The following CD276 variants were observed in gnomAD, a reference collection of about 807,000 sequenced individuals.
The protein encoded by CD276 is CD276 antigen.
A neutral mutation model predicts 50.0 loss-of-function variants in CD276; 34 were observed. The ratio of observed to expected loss-of-function variants is 0.68; its 90% CI spans 0.52 to 0.91. The LOEUF (loss-of-function observed/expected upper bound fraction) is 0.91. CD276 is among the 40% of genes least tolerant of loss of function. The pLI is 0.00. For synonymous variants in CD276, 275 were observed against 313.0 expected (o/e 0.88, Z 1.28); for missense variants, 634 against 717.5 (o/e 0.88, Z 1.33).
At chr15:73,692,913 A>G (rs1339761595) in intron 1 of CD276, among the ~76,000 whole-genome samples, 1 of 152,266 alleles carries the variant, frequency 6.6e-6, no homozygotes, top group Non-Finnish European at 1.5e-5. Flanking sequence ...TGAGCACTTG[A>G]AGAAGAGCCC....
At chr15:73,698,806 C>T (rs1055397677) in intron 1 of CD276, among the ~76,000 whole-genome samples, 5 of 152,216 alleles carry the variant, frequency 3.3e-5, no homozygotes, top group Non-Finnish European at 7.3e-5. Context: ...AAGTGATTCG[C>T]CTGCCTCAGC....
In CD276 at chr15:73,713,136, C is replaced by T; in HGVS notation, c.*180C>T. The stretch of plus-strand genomic sequence containing the variant: ...TTATTTCTCCAATGGACATGATTCC[C>T]AAGTCATCCTGCTGCCTTTTTTCTT... On this transcript the variant is annotated 3_prime_UTR_variant, in exon 10 of 10. Coordinates refer to ENST00000318443, the MANE Select transcript of CD276 (RefSeq NM_001024736.2). 5.3e-6 allele frequency: 3 copies of T among 567,712 alleles called. No individual in the cohort carries two copies. The highest frequency in any genetic ancestry group is 6.0e-5 in the East Asian group (2 of 33,298). The allele number at this position is 567,712 out of a possible 1,614,324, so 35.2% of individuals were successfully genotyped here.
At chr15:73,698,184 G>C (rs1223446215) in intron 1 of CD276, among the ~76,000 whole-genome samples, 2 of 152,118 alleles carry the variant, frequency 1.3e-5, no homozygotes, top group Admixed American at 1.3e-4. Flanking sequence ...CAGCCTTGAG[G>C]TCATCCCCAA....
Position 73,699,646 on chromosome 15 carries a change from C to T in CD276, c.7C>T (p.Arg3Cys), listed in dbSNP as rs770116040. ...TCAGCCGCCTCACAGGAAGATGCTG[C>T]GTCGGCGGGGCAGCCCTGGCATGGG... Reference protein sequence around the residue: MLRRRGSPGMGVH... With the variant: MLCRRGSPGMGVH... The change falls in exon 2 of 10, where the codon CGT becomes TGT. Residue 3 changes from arginine (R) to cysteine (C), a missense_variant. Coordinates refer to ENST00000318443, the MANE Select transcript of CD276 (RefSeq NM_001024736.2). 2.5e-6 allele frequency: 4 copies of T among 1,613,712 alleles called. No individual in the cohort carries two copies. The highest frequency in any genetic ancestry group is 3.4e-6 in the Non-Finnish European group (4 of 1,179,892).
chr15:73,695,142 C>T (rs1900129590), intron 1 of CD276, among the ~76,000 whole-genome samples: 1 of 152,214 alleles, frequency 6.6e-6, no homozygotes, highest in African/African-American at 2.4e-5. Flanking sequence ...TCCCTGAAAG[C>T]TTCAAGTACT....
At chr15:73,709,108 T>G (rs772471687) in intron 7 of CD276, among the ~76,000 whole-genome samples, 1 of 152,074 alleles carries the variant, frequency 6.6e-6, no homozygotes, top group Non-Finnish European at 1.5e-5. Flanking sequence ...AGGTGAGTAC[T>G]TGTGAGGTAG....
At chr15:73,701,595 T>C (rs1308806450) in intron 2 of CD276, among the ~76,000 whole-genome samples, 2 of 152,166 alleles carry the variant, frequency 1.3e-5, no homozygotes, top group Non-Finnish European at 2.9e-5. Context: ...CTCTACGGGG[T>C]TCTCTGTATG....
At position 73,703,676 on chromosome 15, in the gene CD276, G is replaced by T. The variant is rs1900509591; in HGVS notation, c.751G>T (p.Val251Phe). 1 of 1,611,354 alleles carries T rather than the reference G, an allele frequency of 6.2e-7. No homozygotes were observed. The highest frequency in any genetic ancestry group is 1.1e-5 in the South Asian group (1 of 90,982). ...GCCCCCAGGAGCCGTGGAGGTCCAG[G>T]TCCCTGAGGACCCGGTGGTGGCCCT... ...RSPTGAVEVQ[V>F]PEDPVVALVG... is the part of the protein sequence containing the mutation. Residue 251 changes from valine to phenylalanine, a missense_variant, in exon 5 of 10, where the codon GTC (valine) becomes TTC (phenylalanine). Transcript: ENST00000318443.
Position 73,698,135 on chromosome 15 carries a change from C to A in CD276, c.-54-1451C>A, listed in dbSNP as rs554111565. On this transcript the variant is annotated intron_variant, in intron 1 of 9. Transcript: ENST00000318443. Reference sequence around the variant, plus strand: ...CTTCTCATCCCCAGCTCAGGCCTGACCTGCAGCCACAGACTTGCCTCTTAC... The same window carrying A: ...CTTCTCATCCCCAGCTCAGGCCTGAACTGCAGCCACAGACTTGCCTCTTAC... Among the ~76,000 whole-genome samples the A allele has an allele frequency of 3.3e-5, 5 of 152,246 alleles. No individual in the cohort carries two copies. The South Asian group carries it at 1.0e-3, about 32-fold the overall frequency.
intron 2 of CD276, 27 bp from the exon 3 acceptor site, chr15:73,702,228 T>G: frequency 6.4e-7 from 1 of 1,554,376 alleles, no homozygotes; most frequent in Non-Finnish European, 8.7e-7. Context: ...GTCCCCCTTA[T>G]ATGTTCTCCA....
chr15:73,709,513 G>T (rs1476103151), intron 7 of CD276, 135 bp from the exon 8 acceptor site: 2 of 816,548 alleles, frequency 2.4e-6, no homozygotes, highest in East Asian at 5.0e-5. Flanking sequence ...TCTAACCCGT[G>T]TCTAGCATTT....
At chr15:73,703,250 T>C (rs1169865997) in intron 4 of CD276, among the ~76,000 whole-genome samples, 164 bp downstream of exon 4, 1 of 151,790 alleles carries the variant, frequency 6.6e-6, no homozygotes, top group African/African-American at 2.4e-5. Flanking sequence ...ACTGGAGGGG[T>C]TGGGGGCGGA....
rs1382109222 is a variant in CD276, at chr15:73,713,756, G to A, written c.*800G>A. On this transcript the variant is annotated 3_prime_UTR_variant, in exon 10 of 10. Transcript: ENST00000318443. ...TGTGCTGGTCACACTGGTTCTCCAG[G>A]GGTCTGTGATGGGGCCCCTGGGGGT... The A allele has an allele frequency of 2.3e-6, 1 of 435,170 alleles. No homozygotes were observed. The highest frequency in any genetic ancestry group is 4.5e-6 in the Non-Finnish European group (1 of 219,794). 27.0% of individuals were successfully genotyped at this position (435,170 alleles called of 1,614,324 possible). A position where few individuals can be genotyped will look rare whatever the true frequency, so the allele number is the denominator to read the frequency against.
chr15:73,712,967 C>A lies in CD276; in HGVS notation c.*11C>A. ...CAAGAAATAGCCTGACCATGAGGAC[C>A]AGGGAGCTGCTACCCCTCCCTACAG... On this transcript the variant is annotated 3_prime_UTR_variant, in exon 10 of 10. Transcript: ENST00000318443. 9 of 1,613,574 alleles carry A rather than the reference C, an allele frequency of 5.6e-6. No homozygotes were observed. The highest frequency in any genetic ancestry group is 7.6e-6 in the Non-Finnish European group (9 of 1,179,606).
At chr15:73,695,448 TCCAATTCGCCCTGA>T (rs1900139294) in intron 1 of CD276, among the ~76,000 whole-genome samples, 2 of 152,086 alleles carry the variant, frequency 1.3e-5, no homozygotes, top group Non-Finnish European at 2.9e-5. Context: ...CTGAGGTGCC[TCCAATTCGCCCTGA>T]CCATATCATA....
rs752246825 is a variant in CD276, at chr15:73,709,658, C to T, written c.1515C>T (p.Asp505=). 1.2e-6 allele frequency: 2 copies of T among 1,612,666 alleles called. No homozygotes were observed. The highest frequency in any genetic ancestry group is 2.2e-5 in the South Asian group (2 of 90,818). ...TTCTTGCCTTTGCAGGAGCTGAGGA[C>T]CAGGATGGGGAGGGAGAAGGCTCCA... ...SCEEENAGAE[D]QDGEGEGSKT... is the part of the protein sequence containing the mutation. Residue 505 remains aspartate, a synonymous_variant, in exon 8 of 10, where the codon GAC becomes GAT. Transcript: ENST00000318443.
At chr15:73,690,430 T>C (rs1376050866) in intron 1 of CD276, among the ~76,000 whole-genome samples, 2 of 152,206 alleles carry the variant, frequency 1.3e-5, no homozygotes, top group Admixed American at 6.5e-5. Flanking sequence ...TTTACTGCTA[T>C]AACAGAATAC....
chr15:73,711,605 C>G (rs1900903274), intron 9 of CD276: 2 of 177,044 alleles, frequency 1.1e-5, no homozygotes, highest in Admixed American at 1.1e-4. Flanking sequence ...GTGGAAGTAG[C>G]CTGCATCACT....
chr15:73,686,209 A>C (rs1020741026), intron 1 of CD276: 1 of 686,238 alleles, frequency 1.5e-6, no homozygotes, highest in Admixed American at 6.3e-5. Context: ...GAGTTCTTCC[A>C]TGTCCTTATG....
Sources: gnomAD v4.1 joint callset for allele counts (sites outside exome capture counted in the v4.1 genomes callset) on GRCh38, gnomAD v4.1.1 for gene constraint, MANE v1.5 for transcripts, NCBI Gene and HGNC (gene_info 2026-07-23, HGNC 2026-07-21) for gene names.